The following MICAL3 variants were observed in gnomAD, a reference collection of about 807,000 sequenced individuals.
MICAL3 encodes the protein microtubule associated monooxygenase, calponin and LIM domain containing 3, also known as [F-actin]-monooxygenase MICAL3.
Under a neutral mutation model 207.4 loss-of-function variants are expected in MICAL3, and 62 were observed. The observed-to-expected ratio is 0.30, with a 90% CI of 0.24 to 0.37. The LOEUF is 0.37. Among genes scored for constraint, MICAL3 ranks in the 10% least tolerant of loss-of-function variants. The pLI is 1.00. For synonymous variants in MICAL3, 1,077 were observed against 1,069.3 expected (o/e 1.01, Z -0.14); for missense variants, 2,368 against 2,635.6 (o/e 0.90, Z 2.22).
chr22:17,947,311 G>A (rs1354415716), intron 1 of MICAL3, among the ~76,000 whole-genome samples: 1 of 152,218 alleles, frequency 6.6e-6, no homozygotes, highest in Non-Finnish European at 1.5e-5. Flanking sequence ...ATGAGACAAT[G>A]TTTTCCCTTC....
chr22:17,995,742 C>G (rs537151557), intron 1 of MICAL3, among the ~76,000 whole-genome samples: 1 of 151,956 alleles, frequency 6.6e-6, no homozygotes, highest in African/African-American at 2.4e-5. Flanking sequence ...CTCCTCACCT[C>G]AGGTGATCTG....
intron 18 of MICAL3, 74 bp from the exon 19 acceptor site, chr22:17,865,060 G>A: frequency 7.9e-7 from 1 of 1,265,576 alleles, no homozygotes; most frequent in Non-Finnish European, 1.0e-6. Flanking sequence ...TAGAGGCACT[G>A]ACAATCTGAC....
intron 1 of MICAL3, among the ~76,000 whole-genome samples, chr22:17,990,989 G>T (rs1921613649): frequency 2.0e-5 from 3 of 152,210 alleles, no homozygotes; most frequent in Admixed American, 2.0e-4. Flanking sequence ...TACAAAAATG[G>T]CCTGGAGACA....
chr22:17,847,803 C>A (rs1398667277), intron 19 of MICAL3, among the ~76,000 whole-genome samples: 2 of 152,236 alleles, frequency 1.3e-5, no homozygotes, highest in African/African-American at 2.4e-5. Context: ...GAAAGATCAA[C>A]TAACATCATT....
chr22:17,905,825 C>T (rs1451242234), intron 2 of MICAL3, among the ~76,000 whole-genome samples: 2 of 152,284 alleles, frequency 1.3e-5, no homozygotes, highest in Non-Finnish European at 2.9e-5. Flanking sequence ...CAGGTCTTTG[C>T]TTGGGCCTAC....
intron 1 of MICAL3, among the ~76,000 whole-genome samples, chr22:18,007,922 C>CA (rs60544257): frequency 0.23 from 8,488 of 37,506 alleles, 2,315 homozygotes; most frequent in Non-Finnish European, 0.3. Context: ...GACTCCATCT[C>CA]AAAAAAAAAA....
chr22:17,794,086 C>CG (rs373611921), intron 29 of MICAL3, among the ~76,000 whole-genome samples: 1 of 152,246 alleles, frequency 6.6e-6, no homozygotes, highest in South Asian at 2.1e-4. Context: ...ACAGAGGGGG[C>CG]GGGGGGCCAG....
intron 25 of MICAL3, among the ~76,000 whole-genome samples, chr22:17,819,486 C>A (rs192330548): frequency 6.6e-6 from 1 of 152,258 alleles, no homozygotes; most frequent in South Asian, 2.1e-4. Flanking sequence ...AGATCCCTGA[C>A]GTACGTACAG....
intron 1 of MICAL3, among the ~76,000 whole-genome samples, chr22:17,932,081 A>G (rs576064315): frequency 6.6e-6 from 1 of 152,322 alleles, no homozygotes; most frequent in South Asian, 2.1e-4. Context: ...ATGGTGACTT[A>G]GAATAGTAGG....
At chr22:17,859,187 C>A (rs552497228) in intron 19 of MICAL3, among the ~76,000 whole-genome samples, 1 of 152,292 alleles carries the variant, frequency 6.6e-6, no homozygotes, top group Non-Finnish European at 1.5e-5. Flanking sequence ...GAGGCCCTCC[C>A]TAACCTGGAC....
At chr22:18,022,966 C>G (rs1197157576) in intron 1 of MICAL3, among the ~76,000 whole-genome samples, 1 of 152,300 alleles carries the variant, frequency 6.6e-6, no homozygotes, top group Middle Eastern at 3.4e-3. Flanking sequence ...ATCCCTCCCT[C>G]GTTTGAGACA....
intron 1 of MICAL3, among the ~76,000 whole-genome samples, chr22:18,000,622 A>G (rs4819654): frequency 0.51 from 77,383 of 152,008 alleles, 20,336 homozygotes; most frequent in East Asian, 0.83. Context: ...GCTCCTCAAG[A>G]TGGTTTCTTA....
chr22:17,919,907 T>C (rs762087281), intron 1 of MICAL3, among the ~76,000 whole-genome samples: 5 of 152,334 alleles, frequency 3.3e-5, no homozygotes, highest in Non-Finnish European at 7.3e-5. Context: ...AACTGCGGTA[T>C]CAGTGTCAGC....
At chr22:17,839,359 C>T (rs555584330) in intron 20 of MICAL3, among the ~76,000 whole-genome samples, 199 of 140,750 alleles carry the variant, frequency 1.4e-3, no homozygotes, top group African/African-American at 4.5e-3. Context: ...TGGGTTCAAG[C>T]GATTCTCCTG....
Position 17,886,192 on chromosome 22 carries a change from G to C in MICAL3, c.2068-141C>G, listed in dbSNP as rs1929855894. ...CTCAAGGTTCCCGTGTCCACACAGA[G>C]ACAGCAAGCCTGGAGGTAGGGCCGT... On this transcript the variant is annotated intron_variant, in intron 15 of 31. Transcript: ENST00000441493. The C allele has an allele frequency of 4.7e-6, 4 of 854,238 alleles. No individual in the cohort carries two copies. The Admixed American group carries it at 8.7e-5, about 19-fold the overall frequency. The allele number at this position is 854,238 out of a possible 1,614,324, so 52.9% of individuals were successfully genotyped here. A position where few individuals can be genotyped will look rare whatever the true frequency, so the allele number is the denominator to read the frequency against.
chr22:17,971,775 G>T (rs548088284), intron 1 of MICAL3, among the ~76,000 whole-genome samples: 143 of 152,346 alleles, frequency 9.4e-4, no homozygotes, highest in Non-Finnish European at 1.6e-3. Flanking sequence ...ATCGGAAGGG[G>T]CCCCCTGGCC....
At chr22:17,800,890 T>A (rs768059768) in intron 29 of MICAL3, among the ~76,000 whole-genome samples, 1 of 152,196 alleles carries the variant, frequency 6.6e-6, no homozygotes, top group African/African-American at 2.4e-5. Flanking sequence ...AAAAGAAACC[T>A]AATTCTGGCA....
At chr22:17,915,787 T>A (rs1932460195) in intron 1 of MICAL3, among the ~76,000 whole-genome samples, 1 of 151,962 alleles carries the variant, frequency 6.6e-6, no homozygotes, top group South Asian at 2.1e-4. Flanking sequence ...AAGGATTCGA[T>A]TTCTGTGTAG....
chr22:17,895,189 G>A, intron 10 of MICAL3, 95 bp downstream of exon 10: 1 of 1,260,056 alleles, frequency 7.9e-7, no homozygotes, highest in South Asian at 1.3e-5. Context: ...ATCCTTGTAT[G>A]TGTGGTATTA....
Sources: gnomAD v4.1 joint callset for allele counts (sites outside exome capture counted in the v4.1 genomes callset) on GRCh38, gnomAD v4.1.1 for gene constraint, MANE v1.5 for transcripts, NCBI Gene and HGNC (gene_info 2026-07-23, HGNC 2026-07-21) for gene names.